COX16: variants seen among roughly 807,000 people sequenced by gnomAD.
The protein encoded by COX16 is cytochrome c oxidase assembly protein COX16 homolog, mitochondrial.
In COX16, 12 loss-of-function variants were observed where a neutral mutation model predicts 15.4. The ratio of observed to expected loss-of-function variants is 0.78; its 90% CI spans 0.50 to 1.26. The LOEUF is 1.26. COX16 is among the 50% of genes most tolerant of loss of function. COX16 has a pLI of 0.00. For missense variants in COX16, 124 were observed against 127.6 expected (o/e 0.97, Z 0.14); for synonymous variants, 46 against 41.1 (o/e 1.12, Z -0.46).
At chr14:70,330,920 T>C (rs1050108599) in intron 2 of COX16, among the ~76,000 whole-genome samples, 4 of 152,218 alleles carry the variant, frequency 2.6e-5, no homozygotes, top group Admixed American at 6.5e-5. Flanking sequence ...TCAAAACTTA[T>C]AGTAATTCAC....
At chr14:70,351,938 G>C (rs958144182) in intron 1 of COX16, among the ~76,000 whole-genome samples, 1 of 152,074 alleles carries the variant, frequency 6.6e-6, no homozygotes, top group African/African-American at 2.4e-5. Context: ...TTTTGCAAAT[G>C]GCTAGAACTT....
intron 1 of COX16, among the ~76,000 whole-genome samples, chr14:70,344,631 T>C (rs1886720707): frequency 6.6e-6 from 1 of 152,192 alleles, no homozygotes; most frequent in African/African-American, 2.4e-5. Context: ...TTCCCTGACA[T>C]CTCAGAGCAG....
intron 1 of COX16, among the ~76,000 whole-genome samples, chr14:70,348,957 T>C (rs529638510): frequency 6.6e-6 from 1 of 152,190 alleles, no homozygotes; most frequent in Non-Finnish European, 1.5e-5. Flanking sequence ...TTTCTGTCCC[T>C]GTCCTTGTTC....
chr14:70,359,658 G>A lies in COX16; in HGVS notation c.-71C>T. The A allele has an allele frequency of 7.2e-7, 1 of 1,379,782 alleles. No individual in the cohort carries two copies. The highest frequency in any genetic ancestry group is 1.0e-6 in the Non-Finnish European group (1 of 969,324). 85.5% of individuals were successfully genotyped at this position (1,379,782 alleles called of 1,614,324 possible). A position where few individuals can be genotyped will look rare whatever the true frequency, so the allele number is the denominator to read the frequency against. On this transcript the variant is annotated 5_prime_UTR_variant, in exon 1 of 4. Transcript: ENST00000389912. ...AGACTCCCAAATCTCAGCAGCTCAC[G>A]CTCTCACCAAGACGAGTACGTCCTT... is the stretch of plus-strand genomic sequence containing the variant.
chr14:70,334,393 C>T (rs528284865), intron 2 of COX16, among the ~76,000 whole-genome samples: 6 of 152,132 alleles, frequency 3.9e-5, no homozygotes, highest in South Asian at 2.1e-4. Flanking sequence ...TGTGGTGGTG[C>T]GCACCTGTAG....
At position 70,353,429 on chromosome 14, in the gene COX16, CATATACACACATAT is replaced by C. The variant is rs1346718286; in HGVS notation, c.69+6076_69+6089del. Reference sequence around the variant, plus strand: ...ATACATACACATATATATACACACACATATACACACATATATATACACACATATATAAATATATA... The same window carrying C: ...ATACATACACATATATATACACACACATATACACACATATATAAATATATA... On this transcript the variant is annotated intron_variant, in intron 1 of 3. Transcript: ENST00000389912. 6.9e-3 allele frequency among the ~76,000 whole-genome samples: 1,026 copies of C among 148,896 alleles called. 6 individuals are homozygous for C. The highest frequency in any genetic ancestry group is 0.017 in the African/African-American group (701 of 40,814).
chr14:70,340,051 G>C (rs114819862), intron 2 of COX16, among the ~76,000 whole-genome samples: 2,565 of 152,150 alleles, frequency 0.017, 74 homozygotes, highest in African/African-American at 0.057. Flanking sequence ...TCCTTAACTG[G>C]GTGATATGGT....
chr14:70,338,677 T>A (rs1217036182), intron 2 of COX16, among the ~76,000 whole-genome samples: 1 of 152,218 alleles, frequency 6.6e-6, no homozygotes, highest in African/African-American at 2.4e-5. Context: ...GAGAACAATA[T>A]GATAATGCAT....
chr14:70,337,029 C>A (rs903128780), intron 2 of COX16, among the ~76,000 whole-genome samples: 3 of 152,132 alleles, frequency 2.0e-5, no homozygotes, highest in African/African-American at 7.2e-5. Context: ...CCTTGACACA[C>A]CTGGTAAACC....
chr14:70,359,038 G>T (rs1594931993), intron 1 of COX16, among the ~76,000 whole-genome samples: 1 of 152,148 alleles, frequency 6.6e-6, no homozygotes, highest in African/African-American at 2.4e-5. Flanking sequence ...TCACAAACTA[G>T]AAAGATGAAA....
At chr14:70,345,199 T>C (rs1370776953) in intron 1 of COX16, among the ~76,000 whole-genome samples, 3 of 152,196 alleles carry the variant, frequency 2.0e-5, no homozygotes, top group African/African-American at 7.2e-5. Flanking sequence ...TACTGGTAAG[T>C]TTCCTCAGGG....
chr14:70,349,035 G>A (rs1886864996), intron 1 of COX16, among the ~76,000 whole-genome samples: 2 of 152,144 alleles, frequency 1.3e-5, no homozygotes, highest in Admixed American at 1.3e-4. Flanking sequence ...CAAGGACCAT[G>A]GTATGTCAAG....
intron 1 of COX16, among the ~76,000 whole-genome samples, chr14:70,350,027 T>C (rs180815847): frequency 6.6e-6 from 1 of 152,326 alleles, no homozygotes; most frequent in East Asian, 1.9e-4. Flanking sequence ...GCCACCCCTA[T>C]GTCACGCCTG....
At position 70,328,604 on chromosome 14, in the gene COX16, A is replaced by G. The variant is rs760420768; in HGVS notation, c.204+570T>C. Among the ~76,000 whole-genome samples the G allele has an allele frequency of 6.1e-5, 6 of 97,996 alleles. No individual in the cohort carries two copies. The East Asian group carries it at 3.9e-3, about 64-fold the overall frequency. 64.3% of individuals were successfully genotyped at this position (97,996 alleles called of 152,430 possible). A position where few individuals can be genotyped will look rare whatever the true frequency, so the allele number is the denominator to read the frequency against. ...ATTATGATAAATTGAGCATCTCTTC[A>G]TATGTTTAAGAATGATACTTATTTC... On this transcript the variant is annotated intron_variant, in intron 3 of 3. Transcript: ENST00000389912.
At position 70,329,243 on chromosome 14, in the gene COX16, A is replaced by AAAAGG. The variant is rs766929598; in HGVS notation, c.142-12_142-8dup. ...TTTCAAGCTCAGGATCCATCTGTAG[A>AAAAGG]AAAGGAAAAAAAGTAATAAGTTATC... On this transcript the variant is annotated splice_region_variant and splice_polypyrimidine_tract_variant and intron_variant, in intron 2 of 3. Coordinates refer to ENST00000389912, the MANE Select transcript of COX16 (RefSeq NM_016468.7). 2.5e-6 allele frequency: 4 copies of AAAAGG among 1,594,654 alleles called. No individual in the cohort carries two copies. In the African/African-American group the frequency reaches 5.4e-5, roughly 22 times the overall value.
chr14:70,326,988 G>A (rs979332754), intron 3 of COX16, among the ~76,000 whole-genome samples: 10 of 152,126 alleles, frequency 6.6e-5, no homozygotes, highest in Non-Finnish European at 1.5e-5. Flanking sequence ...ACTACATTAT[G>A]GATCATCCTA....
chr14:70,353,222 C>T (rs7152945), intron 1 of COX16, among the ~76,000 whole-genome samples: 126,948 of 145,830 alleles, frequency 0.87, 55,302 homozygotes, highest in East Asian at 0.94. Context: ...GACTGCGCCA[C>T]TGTACTCCAG....
intron 1 of COX16, among the ~76,000 whole-genome samples, chr14:70,346,264 A>G (rs1223021436): frequency 1.3e-5 from 2 of 152,224 alleles, no homozygotes; most frequent in Non-Finnish European, 2.9e-5. Flanking sequence ...GTCTTTAACA[A>G]TCGTGATAGG....
chr14:70,357,013 A>C (rs1240082652), intron 1 of COX16, among the ~76,000 whole-genome samples: 1 of 152,018 alleles, frequency 6.6e-6, no homozygotes, highest in East Asian at 1.9e-4. Context: ...GAGAGGTTGG[A>C]GCTCTTTAAA....
Sources: gnomAD v4.1 joint callset for allele counts (sites outside exome capture counted in the v4.1 genomes callset) on GRCh38, gnomAD v4.1.1 for gene constraint, MANE v1.5 for transcripts, NCBI Gene and HGNC (gene_info 2026-07-23, HGNC 2026-07-21) for gene names.